XK: variants seen among roughly 807,000 people sequenced by gnomAD.
XK encodes the protein X-linked Kx blood group antigen, Kell and VPS13A binding protein, also known as endoplasmic reticulum membrane adapter protein XK.
In XK, 2 loss-of-function variants were observed where a neutral mutation model predicts 14.0. The observed-to-expected ratio is 0.14, with a 90% confidence interval of 0.06 to 0.45. The LOEUF is 0.45. XK is among the 20% of genes least tolerant of loss of function. The pLI, the probability that XK is intolerant of heterozygous loss-of-function variation, is 0.98. For synonymous variants in XK, 149 were observed against 147.5 expected (o/e 1.01, Z -0.08); for missense variants, 235 against 341.5 (o/e 0.69, Z 2.46).
intron 1 of XK, among the ~76,000 whole-genome samples, chrX:37,686,451 T>G (rs1260986082): frequency 1.8e-5 from 2 of 112,064 alleles, no homozygotes; most frequent in African/African-American, 6.5e-5. Flanking sequence ...TAGCCAACAT[T>G]CAACTGAAAT....
chrX:37,712,034 G>A (rs996380004), intron 2 of XK, among the ~76,000 whole-genome samples: 6 of 111,447 alleles, frequency 5.4e-5, no homozygotes, highest in Non-Finnish European at 9.4e-5. Context: ...GTCACGATAG[G>A]GTGTTTGAAT....
intron 2 of XK, among the ~76,000 whole-genome samples, chrX:37,700,891 G>A (rs1927400214): frequency 9.0e-6 from 1 of 110,897 alleles, no homozygotes; most frequent in Non-Finnish European, 1.9e-5. Flanking sequence ...GCTTTACATG[G>A]AGATTGAGGA....
chrX:37,697,515 G>T (rs184702570), intron 2 of XK, among the ~76,000 whole-genome samples: 2 of 112,055 alleles, frequency 1.8e-5, no homozygotes, highest in African/African-American at 6.5e-5. Flanking sequence ...ACCCTATTCA[G>T]CATTCAAATT....
intron 2 of XK, among the ~76,000 whole-genome samples, chrX:37,712,962 G>A (rs782811289): frequency 7.2e-5 from 8 of 111,802 alleles, no homozygotes; most frequent in Non-Finnish European, 1.3e-4. Context: ...CAACAGTGTC[G>A]AGGATCCAGG....
chrX:37,731,628 A>G lies in XK; in HGVS notation c.*3166A>G, dbSNP rs782525629. 8.9e-6 allele frequency: 1 copy of G among 112,185 alleles called. No individual in the cohort carries two copies. Among genetic ancestry groups the G allele is most frequent in the African/African-American group, 3.2e-5 (1 of 30,905 alleles). The allele number at this position is 112,185 out of a possible 1,213,427, so 9.2% of individuals were successfully genotyped here. A position where few individuals can be genotyped will look rare whatever the true frequency, so the allele number is the denominator to read the frequency against. On this transcript the variant is annotated 3_prime_UTR_variant, in exon 3 of 3. Coordinates refer to ENST00000378616, the MANE Select transcript of XK (RefSeq NM_021083.4). ...TGTTTGAAAAGAAATAAGTAGTGTC[A>G]TTCATATGAGTTCCTGAGTGGATAT...
At chrX:37,719,514 C>A (rs1427512977) in intron 2 of XK, among the ~76,000 whole-genome samples, 3 of 110,323 alleles carry the variant, frequency 2.7e-5, no homozygotes, top group Non-Finnish European at 5.7e-5. Context: ...TTTCTTTCTC[C>A]ATTTGAGTGT....
Position 37,729,018 on chromosome X carries a change from A to C in XK, c.*556A>C, listed in dbSNP as rs782312433. On this transcript the variant is annotated 3_prime_UTR_variant, in exon 3 of 3. Coordinates refer to ENST00000378616, the MANE Select transcript of XK (RefSeq NM_021083.4). ...TCATCTCATTAGGGCTTTTTTGTAC[A>C]TAGCCAACTGTAGCCACCCTGGCAT... 2.6e-5 allele frequency: 3 copies of C among 113,955 alleles called. No homozygotes were observed. The highest frequency in any genetic ancestry group is 5.5e-5 in the Non-Finnish European group (3 of 54,581). 9.4% of individuals were successfully genotyped at this position (113,955 alleles called of 1,213,427 possible).
At chrX:37,725,409 T>C (rs1316023419) in intron 2 of XK, among the ~76,000 whole-genome samples, 1 of 111,799 alleles carries the variant, frequency 8.9e-6, no homozygotes, top group African/African-American at 3.2e-5. Context: ...ACACTTTAAA[T>C]ATATTGGCAA....
chrX:37,705,759 CTT>C (rs1192047392), intron 2 of XK, among the ~76,000 whole-genome samples: 1 of 99,911 alleles, frequency 1.0e-5, no homozygotes. Context: ...TTCTTTCTTT[CTT>C]TTTTTTTTTG....
intron 2 of XK, among the ~76,000 whole-genome samples, chrX:37,699,321 G>A (rs181588823): frequency 2.5e-4 from 28 of 112,129 alleles, no homozygotes; most frequent in African/African-American, 9.1e-4. Context: ...GGTAGTGACA[G>A]GTTTGCGAGG....
intron 1 of XK, among the ~76,000 whole-genome samples, chrX:37,690,007 T>C (rs1381506214): frequency 8.9e-6 from 1 of 111,891 alleles, no homozygotes; most frequent in African/African-American, 3.2e-5. Context: ...GAAAAAATGG[T>C]ACATGAAAAA....
At chrX:37,727,269 A>T (rs1476463636) in intron 2 of XK, among the ~76,000 whole-genome samples, 1 of 111,782 alleles carries the variant, frequency 8.9e-6, no homozygotes, top group East Asian at 2.8e-4. Context: ...ACTAGAAGTT[A>T]ATCCAAAGAG....
chrX:37,711,730 G>GT (rs1927671335), intron 2 of XK, among the ~76,000 whole-genome samples: 1 of 111,570 alleles, frequency 9.0e-6, no homozygotes, highest in Non-Finnish European at 1.9e-5. Context: ...TTCAGTTTGA[G>GT]AGTAGTCATC....
chrX:37,687,181 T>A (rs1202704600), intron 1 of XK, among the ~76,000 whole-genome samples: 1 of 97,670 alleles, frequency 1.0e-5, no homozygotes, highest in African/African-American at 4.2e-5. Context: ...TCTCTCTCTT[T>A]CTCTCTCTCT....
In XK at chrX:37,686,133, G is replaced by A; in HGVS notation, c.172G>A (p.Val58Ile). 12 of 1,210,352 alleles carry A rather than the reference G, an allele frequency of 9.9e-6. No homozygotes were observed. The highest frequency in any genetic ancestry group is 1.1e-5 in the Non-Finnish European group (10 of 894,953). Reference sequence around the variant, plus strand: ...GCTCGTGCAGCTCACGCTTCTCTTCGTACACCGCGACCTCAGCCGCGACCG... The same window carrying A: ...GCTCGTGCAGCTCACGCTTCTCTTCATACACCGCGACCTCAGCCGCGACCG... ...CALVQLTLLF[V>I]HRDLSRDRPL... Residue 58 changes from valine (V) to isoleucine (I), a missense_variant, in exon 1 of 3, where the codon GTA becomes ATA. Physicochemically the swap from Val to Ile is conservative, Grantham distance 29. Transcript: ENST00000378616.
chrX:37,702,524 G>A (rs1927435922), intron 2 of XK, among the ~76,000 whole-genome samples: 1 of 112,018 alleles, frequency 8.9e-6, no homozygotes. Flanking sequence ...GGTAGCATTT[G>A]AAAATCAATA....
At chrX:37,700,198 G>A (rs1440305417) in intron 2 of XK, among the ~76,000 whole-genome samples, 5 of 111,356 alleles carry the variant, frequency 4.5e-5, no homozygotes, top group African/African-American at 1.6e-4. Flanking sequence ...TGCAGGGTGC[G>A]CATCACACCA....
chrX:37,707,495 G>A (rs1317609058), intron 2 of XK, among the ~76,000 whole-genome samples: 20 of 106,690 alleles, frequency 1.9e-4, no homozygotes, highest in Non-Finnish European at 1.4e-4. Flanking sequence ...CAGACGGGGC[G>A]GCTGCCGGGC....
Position 37,685,893 on chromosome X carries a change from CGCCGCCGCCACAGCCACACA to C in XK, c.-57_-38del. Reference sequence around the variant, plus strand: ...TGCTGGGAGCCCCTCGGGCAACGGCCGCCGCCGCCACAGCCACACAGCCGCCGCCACTGCGTCCGTCCCCG... The same window carrying C: ...TGCTGGGAGCCCCTCGGGCAACGGCCGCCGCCGCCACTGCGTCCGTCCCCG... On this transcript the variant is annotated 5_prime_UTR_variant, in exon 1 of 3. It introduces an in-frame stop codon into an upstream open reading frame of the 5' UTR. Transcript: ENST00000378616. 2 of 1,130,034 alleles carry C rather than the reference CGCCGCCGCCACAGCCACACA, an allele frequency of 1.8e-6. No homozygotes were observed. Among genetic ancestry groups the C allele is most frequent in the Non-Finnish European group, 1.2e-6 (1 of 847,161 alleles). The allele number at this position is 1,130,034 out of a possible 1,213,427, so 93.1% of individuals were successfully genotyped here. A position where few individuals can be genotyped will look rare whatever the true frequency, so the allele number is the denominator to read the frequency against.
Sources: gnomAD v4.1 joint callset for allele counts (sites outside exome capture counted in the v4.1 genomes callset) on GRCh38, gnomAD v4.1.1 for gene constraint, MANE v1.5 for transcripts, NCBI Gene and HGNC (gene_info 2026-07-23, HGNC 2026-07-21) for gene names.